SLC22A23: variants seen among roughly 807,000 people sequenced by gnomAD.
SLC22A23 encodes the protein ion transporter protein.
SLC22A23 carries 26 observed loss-of-function variants against 61.0 expected under a neutral mutation model. That is an observed-to-expected ratio of 0.43 (90% confidence interval 0.31 to 0.59). The LOEUF is 0.59. SLC22A23 is among the 20% of genes least tolerant of loss of function. The pLI is 0.11. For synonymous variants in SLC22A23, 430 were observed against 413.9 expected (o/e 1.04, Z -0.47); for missense variants, 796 against 934.7 (o/e 0.85, Z 1.94).
chr6:3,440,194 G>A (rs910796385), intron 1 of SLC22A23, among the ~76,000 whole-genome samples: 1 of 152,166 alleles, frequency 6.6e-6, no homozygotes, highest in African/African-American at 2.4e-5. Context: ...GAACTATCCC[G>A]GGTGCAGATA....
intron 3 of SLC22A23, among the ~76,000 whole-genome samples, chr6:3,367,989 C>T (rs564469719): frequency 3.9e-5 from 6 of 152,146 alleles, no homozygotes; most frequent in Non-Finnish European, 5.9e-5. Context: ...TCTTCACCAG[C>T]GGACCGAGAG....
intron 4 of SLC22A23, among the ~76,000 whole-genome samples, chr6:3,306,695 G>A (rs907539434): frequency 5.3e-5 from 8 of 152,198 alleles, no homozygotes; most frequent in African/African-American, 1.4e-4. Flanking sequence ...TGGGAAGGAC[G>A]TGGGCAGAAC....
In SLC22A23 at chr6:3,425,535, C is replaced by T. The variant is rs867862681; in HGVS notation, c.655-9680G>A. Among the ~76,000 whole-genome samples the T allele has an allele frequency of 4.8e-4, 73 of 152,218 alleles. No homozygotes were observed. The Middle Eastern group carries it at 0.014, about 28-fold the overall frequency. ...TCCTGACCTCATGATCCGCCCACCT[C>T]GGCCTCCCAAAGCGCTGGGATTACA... On this transcript the variant is annotated intron_variant, in intron 1 of 9. Coordinates refer to ENST00000406686, the MANE Select transcript of SLC22A23 (RefSeq NM_015482.2).
intron 1 of SLC22A23, among the ~76,000 whole-genome samples, chr6:3,447,922 A>G (rs1282484694): frequency 4.1e-5 from 4 of 97,966 alleles, no homozygotes; most frequent in Admixed American, 3.9e-4. Context: ...TTTTTGAGAT[A>G]GATGGAGTCT....
At chr6:3,419,013 T>C (rs1178535378) in intron 1 of SLC22A23, among the ~76,000 whole-genome samples, 1 of 152,254 alleles carries the variant, frequency 6.6e-6, no homozygotes, top group Non-Finnish European at 1.5e-5. Flanking sequence ...CACCTGGCTC[T>C]TGAAATTTGT....
Position 3,456,386 on chromosome 6 carries a change from A to G in SLC22A23, c.174T>C (p.Pro58=). The G allele has an allele frequency of 1.3e-6, 2 of 1,535,726 alleles. No individual in the cohort carries two copies. The highest frequency in any genetic ancestry group is 1.8e-6 in the Non-Finnish European group (2 of 1,139,860). ...AEIQPLPPLH[P]GGGPHPSCCS... Reference sequence around the variant, plus strand: ...AGCAGCTCGGGTGCGGGCCGCCTCCAGGATGCAGTGGGGGCAGCGGCTGGA... The same window carrying G: ...AGCAGCTCGGGTGCGGGCCGCCTCCGGGATGCAGTGGGGGCAGCGGCTGGA... Residue 58 remains proline, a synonymous_variant, in exon 1 of 10, where the codon CCT becomes CCC. Transcript: ENST00000406686. The surrounding 1 kb of genome is among the most constrained non-coding windows in gnomAD (Gnocchi z 7.1).
chr6:3,333,545 T>C lies in SLC22A23; in HGVS notation c.914-9543A>G, dbSNP rs1399349285. Among the ~76,000 whole-genome samples the C allele has an allele frequency of 6.6e-6, 1 of 152,150 alleles. No homozygotes were observed. The highest frequency in any genetic ancestry group is 2.4e-5 in the African/African-American group (1 of 41,438). On this transcript the variant is annotated intron_variant, in intron 3 of 9. Transcript: ENST00000406686. The surrounding 1 kb of genome is among the most constrained non-coding windows in gnomAD (Gnocchi z 4.1). ...GCAAGCACACCCCCCTTCTGGGCTGTGCACTCCCCGTCTGTCCTCCCCAGG... is the reference window on the plus strand; with the variant it reads ...GCAAGCACACCCCCCTTCTGGGCTGCGCACTCCCCGTCTGTCCTCCCCAGG...
rs1253436312 is a variant in SLC22A23, at chr6:3,308,427, C to T, written c.1083-10209G>A. Among the ~76,000 whole-genome samples the T allele has an allele frequency of 6.6e-6, 1 of 152,170 alleles. No homozygotes were observed. Among genetic ancestry groups the T allele is most frequent in the African/African-American group, 2.4e-5 (1 of 41,434 alleles). ...ATCACAGTGAAAAATGCCAGTCTCA[C>T]TCTAAACATTCCCTTCCTTTTAGAT... On this transcript the variant is annotated intron_variant, in intron 4 of 9. Transcript: ENST00000406686. The surrounding 1 kb of genome is among the most constrained non-coding windows in gnomAD (Gnocchi z 5.1).
intron 5 of SLC22A23, among the ~76,000 whole-genome samples, chr6:3,295,067 G>A (rs1159401012): frequency 1.3e-5 from 2 of 148,294 alleles, no homozygotes; most frequent in Non-Finnish European, 3.0e-5. Flanking sequence ...TGGCACACCT[G>A]CTACGCGTCG....
rs191481535 is a variant in SLC22A23 at position 3,287,683 on chromosome 6, T to G, written c.1314-592A>C. 5.6e-4 allele frequency among the ~76,000 whole-genome samples: 65 copies of G among 116,502 alleles called. 1 individual carries two copies. Among genetic ancestry groups the G allele is most frequent in the African/African-American group, 2.3e-3 (62 of 26,918 alleles). The allele number at this position is 116,502 out of a possible 152,430, so 76.4% of individuals were successfully genotyped here. On this transcript the variant is annotated intron_variant, in intron 6 of 9. Transcript: ENST00000406686. ...AGGGTCCACAGGAAACTGTTTTTTT[T>G]TTTGTTTTGTTTTGTTTTTGAGTAG... is the stretch of plus-strand genomic sequence containing the variant.
intron 9 of SLC22A23, chr6:3,282,284 A>C (rs1215721327): frequency 2.8e-6 from 2 of 702,512 alleles, no homozygotes; most frequent in Non-Finnish European, 5.2e-6. Flanking sequence ...AACTGCAAGC[A>C]CTAAATAAGC....
intron 9 of SLC22A23, among the ~76,000 whole-genome samples, chr6:3,278,201 C>T (rs1387364129): frequency 6.6e-6 from 1 of 152,238 alleles, no homozygotes; most frequent in African/African-American, 2.4e-5. Flanking sequence ...AACCAAGATA[C>T]TCGGTGAGTG....
At position 3,328,038 on chromosome 6, in the gene SLC22A23, T is replaced by C. The variant is rs555263039; in HGVS notation, c.914-4036A>G. Among the ~76,000 whole-genome samples, 2 of 152,180 alleles carry C rather than the reference T, an allele frequency of 1.3e-5. No individual in the cohort carries two copies. The highest frequency in any genetic ancestry group is 4.2e-4 in the South Asian group (2 of 4,816). ...GCATAACAATATAATTATTGCCAAG[T>C]CGCTCATTGGTCTCATTCGACATGG... On this transcript the variant is annotated intron_variant, in intron 3 of 9. Coordinates refer to ENST00000406686, the MANE Select transcript of SLC22A23 (RefSeq NM_015482.2). This position sits in a 1 kb window ranked among gnomAD's most constrained non-coding sequence, Gnocchi z 5.0.
At chr6:3,273,523 GCACTGCCCAGTATACCCCGA>G in intron 9 of SLC22A23, 111 bp from the exon 10 acceptor site, 1 of 1,186,654 alleles carries the variant, frequency 8.4e-7, no homozygotes, top group Non-Finnish European at 1.2e-6. Context: ...GCTGCCCTGG[GCACTGCCCAGTATACCCCGA>G]CCTCACACGT....
At chr6:3,289,598 C>T (rs191529607) in intron 6 of SLC22A23, among the ~76,000 whole-genome samples, 166 bp downstream of exon 6, 1 of 152,304 alleles carries the variant, frequency 6.6e-6, no homozygotes, top group African/African-American at 2.4e-5. Context: ...TTGAGGCTTC[C>T]GGGAGCGGGG....
At position 3,342,023 on chromosome 6, in the gene SLC22A23, T is replaced by C. The variant is rs1440576551; in HGVS notation, c.914-18021A>G. Among the ~76,000 whole-genome samples, 1 of 152,034 alleles carries C rather than the reference T, an allele frequency of 6.6e-6. No homozygotes were observed. The highest frequency in any genetic ancestry group is 1.5e-5 in the Non-Finnish European group (1 of 68,020). ...CTGTTCAGTAGCATTAAGAAGAAAA[T>C]CTTTCTTCTTAATGAAAGATTAATG... On this transcript the variant is annotated intron_variant, in intron 3 of 9. Coordinates refer to ENST00000406686, the MANE Select transcript of SLC22A23 (RefSeq NM_015482.2). The surrounding 1 kb of genome is among the most constrained non-coding windows in gnomAD (Gnocchi z 4.0).
chr6:3,418,618 TC>T (rs1041015790), intron 1 of SLC22A23, among the ~76,000 whole-genome samples: 2 of 152,180 alleles, frequency 1.3e-5, no homozygotes, highest in African/African-American at 4.8e-5. Context: ...GCTCCACAGT[TC>T]CCAGCCTCTG....
chr6:3,347,922 C>T (rs951721855), intron 3 of SLC22A23, among the ~76,000 whole-genome samples: 14 of 152,134 alleles, frequency 9.2e-5, no homozygotes, highest in Admixed American at 2.6e-4. Flanking sequence ...GGGAGGTGTG[C>T]GGCTGTTGCC....
intron 1 of SLC22A23, among the ~76,000 whole-genome samples, chr6:3,431,103 A>C (rs1770835398): frequency 6.6e-6 from 1 of 151,978 alleles, no homozygotes; most frequent in Non-Finnish European, 1.5e-5. Context: ...AGAAAAAGAA[A>C]ACACAGCATG....
Sources: gnomAD v4.1 joint callset for allele counts (sites outside exome capture counted in the v4.1 genomes callset) on GRCh38, gnomAD v4.1.1 for gene constraint, Gnocchi (gnomAD v3.1) non-coding constraint, MANE v1.5 for transcripts, NCBI Gene and HGNC (gene_info 2026-07-23, HGNC 2026-07-21) for gene names.